Variants in SLC30A6 observed in about 807,000 individuals in gnomAD.
The protein encoded by SLC30A6 is solute carrier family 30 member 6.
A neutral mutation model predicts 63.0 loss-of-function variants in SLC30A6; 55 were observed. The observed-to-expected ratio is 0.87, with a 90% CI of 0.70 to 1.09. The LOEUF is 1.09. Ranked by LOEUF, SLC30A6 falls within the 50% of genes least tolerant of loss-of-function variation. SLC30A6 has a pLI of 0.00. For synonymous variants in SLC30A6, 224 were observed against 186.1 expected, an observed-to-expected ratio of 1.20 and a Z score of -1.66; for missense variants, 587 against 549.2, an observed-to-expected ratio of 1.07 and a Z score of -0.69.
chr2:32,184,619 G>A (rs1461653494), intron 5 of SLC30A6, among the ~76,000 whole-genome samples: 1 of 152,060 alleles, frequency 6.6e-6, no homozygotes, highest in Admixed American at 6.6e-5. Context: ...ACAAAAATTA[G>A]CCAGGCGTGG....
At chr2:32,192,600 C>T (rs1683432311) in intron 6 of SLC30A6, among the ~76,000 whole-genome samples, 184 bp downstream of exon 6, 1 of 151,992 alleles carries the variant, frequency 6.6e-6, no homozygotes, top group African/African-American at 2.4e-5. Context: ...TACTTCCTTC[C>T]TTAATGCTAC....
intron 4 of SLC30A6, 95 bp downstream of exon 4, chr2:32,175,456 A>T: frequency 1.0e-6 from 1 of 1,004,076 alleles, no homozygotes. Context: ...AACAGCAACT[A>T]CTGATATCTT....
chr2:32,199,556 G>A (rs1420026501), intron 10 of SLC30A6, among the ~76,000 whole-genome samples: 1 of 151,992 alleles, frequency 6.6e-6, no homozygotes, highest in African/African-American at 2.4e-5. Flanking sequence ...TTTTCTTTGT[G>A]TTCTAATTAT....
At chr2:32,165,960 T>G in intron 1 of SLC30A6, 57 bp downstream of exon 1, 1 of 1,613,772 alleles carries the variant, frequency 6.2e-7, no homozygotes, top group Non-Finnish European at 8.5e-7. Flanking sequence ...TTATCTTATT[T>G]GGTCCCGAAG....
At chr2:32,178,088 C>T (rs888448482) in intron 4 of SLC30A6, among the ~76,000 whole-genome samples, 3 of 151,702 alleles carry the variant, frequency 2.0e-5, no homozygotes, top group African/African-American at 7.3e-5. Flanking sequence ...GCTGGGACTA[C>T]AGGCACCCGC....
Position 32,220,468 on chromosome 2 carries a change from A to C in SLC30A6, c.1141A>C (p.Ser381Arg). ...NPVTSTPAKP[S>R]SPPPEFSFNT... ...AGTTACATCAACTCCAGCTAAACCTAGTAGTCCACCTCCAGAATTTTCATT... is the reference window on the plus strand; with the variant it reads ...AGTTACATCAACTCCAGCTAAACCTCGTAGTCCACCTCCAGAATTTTCATT... Residue 381 changes from serine to arginine, a missense_variant, in exon 14 of 14, where the codon AGT becomes CGT. By Grantham distance (110) the Ser-to-Arg change is moderately radical. Coordinates refer to ENST00000282587, the MANE Select transcript of SLC30A6 (RefSeq NM_017964.5). 6.2e-7 allele frequency: 1 copy of C among 1,614,248 alleles called. No homozygotes were observed. Among genetic ancestry groups the C allele is most frequent in the Non-Finnish European group, 8.5e-7 (1 of 1,180,044 alleles).
chr2:32,184,333 AT>A lies in SLC30A6; in HGVS notation c.282del (p.Phe94LeufsTer6). On this transcript the variant is annotated frameshift_variant, in exon 5 of 14. Coordinates refer to ENST00000282587, the MANE Select transcript of SLC30A6 (RefSeq NM_017964.5). LOFTEE classifies it high-confidence loss of function. ...TGAGGAAACCTAGCCCTGTCTATTC[AT>A]TTGGGTAAGTTCAAATTATTTTATT... Reference protein sequence around the residue: ...TLRKPSPVYSFGFERLEVLAV... With the variant: ...TLRKPSPVYSXGFERLEVLAV... 6.7e-7 allele frequency: 1 copy of A among 1,493,722 alleles called. No homozygotes were observed. Among genetic ancestry groups the A allele is most frequent in the Non-Finnish European group, 9.0e-7 (1 of 1,110,064 alleles). The allele number at this position is 1,493,722 out of a possible 1,614,324, so 92.5% of individuals were successfully genotyped here. A position where few individuals can be genotyped will look rare whatever the true frequency, so the allele number is the denominator to read the frequency against.
chr2:32,220,204 C>T lies in SLC30A6; in HGVS notation c.886-9C>T. The T allele has an allele frequency of 6.3e-7, 1 of 1,594,220 alleles. No individual in the cohort carries two copies. Among genetic ancestry groups the T allele is most frequent in the South Asian group, 1.1e-5 (1 of 89,410 alleles). On this transcript the variant is annotated splice_polypyrimidine_tract_variant and intron_variant, in intron 13 of 13. Transcript: ENST00000282587. ...AGCAATCTCTTTGTTATGATTTTGC[C>T]CCTTTTAGGCTGGATCAGTGCATGT...
intron 5 of SLC30A6, chr2:32,187,138 T>G (rs1208282547): frequency 2.1e-6 from 1 of 470,448 alleles, no homozygotes; most frequent in Admixed American, 2.3e-5. Flanking sequence ...CATTGTCATT[T>G]TTTTGCCTCC....
Position 32,220,581 on chromosome 2 carries a change from A to G in SLC30A6, c.1254A>G (p.Thr418=). Residue 418 remains threonine, a synonymous_variant, in exon 14 of 14, where the codon ACA becomes ACG. Coordinates refer to ENST00000282587, the MANE Select transcript of SLC30A6 (RefSeq NM_017964.5). ...GTTTTGGTCTCAATCATGGACACAC[A>G]CCTTACAGCAGCATGCTTAATCAAG... ...PYGFGLNHGH[T]PYSSMLNQGL... is the part of the protein sequence containing the mutation. The G allele has an allele frequency of 3.1e-6, 5 of 1,614,196 alleles. No homozygotes were observed. The highest frequency in any genetic ancestry group is 4.2e-6 in the Non-Finnish European group (5 of 1,180,034).
chr2:32,175,905 G>A (rs1050049534), intron 4 of SLC30A6, among the ~76,000 whole-genome samples: 7 of 152,056 alleles, frequency 4.6e-5, no homozygotes, highest in African/African-American at 9.7e-5. Context: ...CCCAGGAGGC[G>A]GAGGTTGCAG....
In SLC30A6 at chr2:32,197,843, G is replaced by C; in HGVS notation, c.665+17G>C. The C allele has an allele frequency of 6.2e-7, 1 of 1,612,378 alleles. No individual in the cohort carries two copies. On this transcript the variant is annotated intron_variant, in intron 10 of 13. Coordinates refer to ENST00000282587, the MANE Select transcript of SLC30A6 (RefSeq NM_017964.5). ...TGAAATTAAGTGAGTATTTTTTATT[G>C]TTGTCAAGTATGTTTTGATTTCTGG... is the stretch of plus-strand genomic sequence containing the variant.
intron 3 of SLC30A6, among the ~76,000 whole-genome samples, chr2:32,175,110 A>T (rs1019131006): frequency 6.6e-6 from 1 of 152,210 alleles, no homozygotes; most frequent in African/African-American, 2.4e-5. Context: ...TAATGGAGAA[A>T]TCAGGTTGGG....
In SLC30A6 at chr2:32,175,462, A is replaced by G. The variant is rs528187451; in HGVS notation, c.218+101A>G. The G allele has an allele frequency of 2.6e-4, 248 of 949,746 alleles. 2 individuals carry two copies. In the South Asian group the frequency reaches 3.1e-3, roughly 12 times the overall value. 58.8% of individuals were successfully genotyped at this position (949,746 alleles called of 1,614,324 possible). On this transcript the variant is annotated intron_variant, in intron 4 of 13. Coordinates refer to ENST00000282587, the MANE Select transcript of SLC30A6 (RefSeq NM_017964.5). Reference sequence around the variant, plus strand: ...AGCAATAAAAACAGCAACTACTGATATCTTACAAGAAAACAATAAAAACAT... The same window carrying G: ...AGCAATAAAAACAGCAACTACTGATGTCTTACAAGAAAACAATAAAAACAT...
chr2:32,214,986 A>G (rs1229725278), intron 13 of SLC30A6, among the ~76,000 whole-genome samples: 1 of 152,212 alleles, frequency 6.6e-6, no homozygotes. Flanking sequence ...CAAGGAATAT[A>G]GATATTTTCT....
At chr2:32,194,065 G>C in intron 8 of SLC30A6, 82 bp downstream of exon 8, 1 of 1,084,830 alleles carries the variant, frequency 9.2e-7, no homozygotes, top group Non-Finnish European at 1.3e-6. Context: ...CGTTCACTCA[G>C]ATCAATGAAG....
chr2:32,194,020 C>T, intron 8 of SLC30A6, 37 bp downstream of exon 8: 1 of 1,514,984 alleles, frequency 6.6e-7, no homozygotes, highest in Non-Finnish European at 9.1e-7. Flanking sequence ...AAAAATCCAA[C>T]TAATCTCTCA....
chr2:32,213,482 G>A (rs961617603), intron 13 of SLC30A6, among the ~76,000 whole-genome samples: 11 of 151,998 alleles, frequency 7.2e-5, no homozygotes, highest in African/African-American at 1.9e-4. Flanking sequence ...ATTAAGTCTT[G>A]TTAGCCGCTT....
chr2:32,203,341 A>T, intron 10 of SLC30A6: 1 of 918,038 alleles, frequency 1.1e-6, no homozygotes, highest in Non-Finnish European at 1.8e-6. Context: ...TTAAATGTGT[A>T]GGTATTCCTT....
Sources: gnomAD v4.1 joint callset for allele counts (sites outside exome capture counted in the v4.1 genomes callset) on GRCh38, gnomAD v4.1.1 for gene constraint, MANE v1.5 for transcripts, NCBI Gene and HGNC (gene_info 2026-07-23, HGNC 2026-07-21) for gene names.